Variants in RASGEF1B observed in about 807,000 individuals in gnomAD.
The protein encoded by RASGEF1B is RasGEF domain family member 1B, also known as ras-GEF domain-containing family member 1B.
A neutral mutation model predicts 65.7 loss-of-function variants in RASGEF1B; 30 were observed. That is an observed-to-expected ratio of 0.46 (90% CI 0.34 to 0.62). The LOEUF (loss-of-function observed/expected upper bound fraction) is 0.62, where lower values mean the gene tolerates loss of function less well. Among genes scored for constraint, RASGEF1B ranks in the 20% least tolerant of loss-of-function variants. The pLI, the probability that RASGEF1B is intolerant of heterozygous loss-of-function variation, is 0.01. For synonymous variants in RASGEF1B, 175 were observed against 194.8 expected (o/e 0.90, Z 0.85); for missense variants, 495 against 580.1 (o/e 0.85, Z 1.51).
intron 2 of RASGEF1B, 92 bp from the exon 3 acceptor site, chr4:81,457,713 G>C (rs1722498853): frequency 1.4e-6 from 2 of 1,426,954 alleles, no homozygotes; most frequent in East Asian, 2.3e-5. Flanking sequence ...AAGTTCTCCT[G>C]ATCAAGTTCA....
chr4:81,441,164 C>T (rs1168157030), intron 9 of RASGEF1B, among the ~76,000 whole-genome samples: 2 of 152,188 alleles, frequency 1.3e-5, no homozygotes, highest in Admixed American at 6.5e-5. Context: ...AAACCTAAAC[C>T]GCATTCTTTC....
chr4:81,427,877 T>G, intron 13 of RASGEF1B, 85 bp from the exon 14 acceptor site: 1 of 1,311,246 alleles, frequency 7.6e-7, no homozygotes, highest in Non-Finnish European at 1.1e-6. Flanking sequence ...AATACTAATT[T>G]TATCTTTCCT....
At chr4:81,433,187 C>A (rs1721493775) in intron 12 of RASGEF1B, among the ~76,000 whole-genome samples, 1 of 151,150 alleles carries the variant, frequency 6.6e-6, no homozygotes, top group African/African-American at 2.4e-5. Context: ...TGTGATCGTG[C>A]CACTGCGCTC....
chr4:81,459,300 A>G (rs370606682), intron 2 of RASGEF1B, 32 bp downstream of exon 2: 2 of 1,505,742 alleles, frequency 1.3e-6, no homozygotes, highest in African/African-American at 1.4e-5. Flanking sequence ...CTCATTGCCA[A>G]GGATGTGTTT....
chr4:81,464,391 G>C (rs555650358), intron 1 of RASGEF1B, among the ~76,000 whole-genome samples: 1 of 152,106 alleles, frequency 6.6e-6, no homozygotes, highest in African/African-American at 2.4e-5. Context: ...AATTCCTTCA[G>C]AAAAAAAGAG....
At chr4:81,433,812 A>C (rs1162589290) in intron 12 of RASGEF1B, 28 bp downstream of exon 12, 1 of 1,607,904 alleles carries the variant, frequency 6.2e-7, no homozygotes, top group Non-Finnish European at 8.5e-7. Flanking sequence ...TGGGGATGCT[A>C]GTGGTAGCTC....
At position 81,435,743 on chromosome 4, in the gene RASGEF1B, G is replaced by A. The variant is rs573073143; in HGVS notation, c.1105-1009C>T. On this transcript the variant is annotated intron_variant, in intron 10 of 13. Transcript: ENST00000264400. Reference sequence around the variant, plus strand: ...GCCCGCCTTGGCCTCCCAAAGTGCTGGGATTACAGGCGTGAGCCAACGCGC... The same window carrying A: ...GCCCGCCTTGGCCTCCCAAAGTGCTAGGATTACAGGCGTGAGCCAACGCGC... 4.1e-5 allele frequency among the ~76,000 whole-genome samples: 6 copies of A among 147,406 alleles called. No individual in the cohort carries two copies. In the East Asian group the frequency reaches 1.2e-3, roughly 30 times the overall value.
Position 81,432,328 on chromosome 4 carries a change from A to G in RASGEF1B, c.1368T>C (p.His456=). ...AAGACTTCCATCTGTCTTTCTCTAT[A>G]TGATTTTCAGGTCCTTCACTCTCAT... ...ASYESEGPEN[H]IEKDRWKSLR... is the part of the protein sequence containing the mutation. The change falls in exon 13 of 14, where the codon CAT becomes CAC. Residue 456 remains histidine (H), a synonymous_variant. Transcript: ENST00000264400. 1 of 1,610,158 alleles carries G rather than the reference A, an allele frequency of 6.2e-7. No individual in the cohort carries two copies. Among genetic ancestry groups the G allele is most frequent in the Non-Finnish European group, 8.5e-7 (1 of 1,176,736 alleles).
chr4:81,432,716 G>C (rs1721472895), intron 12 of RASGEF1B, among the ~76,000 whole-genome samples: 1 of 152,118 alleles, frequency 6.6e-6, no homozygotes, highest in African/African-American at 2.4e-5. Flanking sequence ...TTTCCTGGTA[G>C]TCTGAGTTGT....
At chr4:81,442,429 A>G in intron 8 of RASGEF1B, 53 bp from the exon 9 acceptor site, 1 of 1,017,400 alleles carries the variant, frequency 9.8e-7, no homozygotes, top group Non-Finnish European at 1.6e-6. Flanking sequence ...AGAGAGAAAT[A>G]AGAAAAACGA....
chr4:81,456,483 A>G lies in RASGEF1B; in HGVS notation c.438+168T>C, dbSNP rs746696463. On this transcript the variant is annotated intron_variant, in intron 4 of 13. Transcript: ENST00000264400. Reference sequence around the variant, plus strand: ...ATATCCCTTTGAAGTGGGATGGTATAATCATTCTCACTTGACATACTAAAT... The same window carrying G: ...ATATCCCTTTGAAGTGGGATGGTATGATCATTCTCACTTGACATACTAAAT... 5 of 759,836 alleles carry G rather than the reference A, an allele frequency of 6.6e-6. No individual in the cohort carries two copies. The East Asian group carries it at 1.3e-4, about 19-fold the overall frequency. 47.1% of individuals were successfully genotyped at this position (759,836 alleles called of 1,614,324 possible).
chr4:81,450,456 C>A (rs762676153), intron 4 of RASGEF1B, among the ~76,000 whole-genome samples: 11 of 152,200 alleles, frequency 7.2e-5, no homozygotes, highest in Non-Finnish European at 1.5e-4. Context: ...ACCTCCACCT[C>A]CCAGGTTCAA....
At chr4:81,456,378 T>G in intron 4 of RASGEF1B, 1 of 600,486 alleles carries the variant, frequency 1.7e-6, no homozygotes, top group Non-Finnish European at 3.0e-6. Flanking sequence ...AAAGTAAAAT[T>G]AAAACATACT....
chr4:81,438,323 G>A (rs112994267), intron 10 of RASGEF1B, among the ~76,000 whole-genome samples: 4,404 of 152,336 alleles, frequency 0.029, 113 homozygotes, highest in Non-Finnish European at 0.047. Flanking sequence ...ACAAACTTGA[G>A]ATTTAAAAGG....
Position 81,448,099 on chromosome 4 carries a change from C to G in RASGEF1B, c.624G>C (p.Thr208=). 1 of 1,614,092 alleles carries G rather than the reference C, an allele frequency of 6.2e-7. No individual in the cohort carries two copies. Among genetic ancestry groups the G allele is most frequent in the East Asian group, 2.2e-5 (1 of 44,868 alleles). Residue 208 remains threonine, a synonymous_variant, in exon 5 of 14, where the codon ACG becomes ACC. Transcript: ENST00000264400. ...DIITVCNDPY[T]LAQQLTHIEL... ...CTATATGAGTCAGCTGCTGGGCCAA[C>G]GTGTAAGGGTCGTTGCAGACAGTAA...
intron 8 of RASGEF1B, among the ~76,000 whole-genome samples, chr4:81,444,545 T>A (rs926843250): frequency 3.9e-5 from 6 of 152,102 alleles, no homozygotes; most frequent in Non-Finnish European, 7.4e-5. Context: ...TTCTTCTTCT[T>A]CCTTTTTTTT....
intron 10 of RASGEF1B, among the ~76,000 whole-genome samples, chr4:81,440,084 T>C (rs1560697125): frequency 6.6e-6 from 1 of 152,196 alleles, no homozygotes; most frequent in Non-Finnish European, 1.5e-5. Flanking sequence ...AAAAGACAGA[T>C]GGAATCTAAA....
chr4:81,446,137 G>A (rs1323479299), intron 6 of RASGEF1B, among the ~76,000 whole-genome samples: 1 of 152,252 alleles, frequency 6.6e-6, no homozygotes. Flanking sequence ...CACTTTGGGA[G>A]GCTGAGGTGG....
chr4:81,434,745 CAA>C lies in RASGEF1B; in HGVS notation c.1105-13_1105-12del, dbSNP rs1404459205. ...GAATGGTATCACAATCTAGAGGAAA[CAA>C]AAGATTCTGGTTGGTCTGGGCAAAC... On this transcript the variant is annotated splice_polypyrimidine_tract_variant and intron_variant, in intron 10 of 13. Coordinates refer to ENST00000264400, the MANE Select transcript of RASGEF1B (RefSeq NM_152545.3). 1.4e-6 allele frequency: 2 copies of C among 1,417,746 alleles called. No homozygotes were observed. Among genetic ancestry groups the C allele is most frequent in the African/African-American group, 2.8e-5 (2 of 70,900 alleles). 87.8% of individuals were successfully genotyped at this position (1,417,746 alleles called of 1,614,324 possible).
Sources: allele counts gnomAD v4.1 joint callset (sites outside exome capture counted in the v4.1 genomes callset), GRCh38; gene constraint gnomAD v4.1.1; transcripts MANE v1.5; gene names NCBI Gene and HGNC (gene_info 2026-07-23, HGNC 2026-07-21).